Variants in C3orf52 observed in about 807,000 individuals in gnomAD.
C3orf52 encodes the protein TPA-induced transmembrane protein.
A neutral mutation model predicts 24.8 loss-of-function variants in C3orf52; 22 were observed. The ratio of observed to expected loss-of-function variants is 0.89; its 90% CI spans 0.63 to 1.27. The LOEUF (loss-of-function observed/expected upper bound fraction) is 1.27. Among genes scored for constraint, C3orf52 ranks in the 50% most tolerant of loss-of-function variants. The pLI is 0.00. For synonymous variants in C3orf52, 93 were observed against 100.2 expected, an observed-to-expected ratio of 0.93 and a Z score of 0.43; for missense variants, 265 against 260.7, an observed-to-expected ratio of 1.02 and a Z score of -0.11.
chr3:112,132,398 G>A (rs902444126), downstream of C3orf52, among the ~76,000 whole-genome samples: 2 of 152,108 alleles, frequency 1.3e-5, no homozygotes, highest in Non-Finnish European at 2.9e-5. Flanking sequence ...CTTGTCTGTG[G>A]TGGCACTATT....
downstream of C3orf52, among the ~76,000 whole-genome samples, chr3:112,135,920 T>G (rs1476912182): frequency 1.3e-5 from 2 of 152,218 alleles, no homozygotes; most frequent in East Asian, 3.8e-4. Flanking sequence ...TAACCTTTGC[T>G]GTCATTGTTC....
In C3orf52 at chr3:112,128,694, A is replaced by G. The variant is rs534808415; in HGVS notation, c.*508A>G. 20 of 163,174 alleles carry G rather than the reference A, an allele frequency of 1.2e-4. No individual in the cohort carries two copies. In the South Asian group the frequency reaches 3.3e-3, roughly 27 times the overall value. 10.1% of individuals were successfully genotyped at this position (163,174 alleles called of 1,614,324 possible). On this transcript the variant is annotated 3_prime_UTR_variant, in exon 5 of 5. Transcript: ENST00000480282. ...CAGGACAACCCTGGTGCAGGAGGTC[A>G]GCAAATCTACCACCTTGACTCCAAC...
exon 5 of C3orf52, chr3:112,128,287 C>T: frequency 3.0e-6 from 2 of 675,222 alleles, no homozygotes; most frequent in Non-Finnish European, 5.4e-6. Flanking sequence ...CTGCTGTGTT[C>T]CCAGCAAAGG....
In C3orf52 at chr3:112,125,473, C is replaced by G. The variant is rs141076272; in HGVS notation, c.*47-2760C>G. Among the ~76,000 whole-genome samples the G allele has an allele frequency of 2.5e-3, 374 of 152,274 alleles. 2 individuals are homozygous for G. Among genetic ancestry groups the G allele is most frequent in the African/African-American group, 8.6e-3 (359 of 41,546 alleles). ...AGCCTGAGAGGTGAGAGGGGGGAGACACATTTGGTTAGTCTTTGGAAAGGA... is the reference window on the plus strand; with the variant it reads ...AGCCTGAGAGGTGAGAGGGGGGAGAGACATTTGGTTAGTCTTTGGAAAGGA... On this transcript the variant is annotated intron_variant, in intron 4 of 4. Transcript: ENST00000480282.
At chr3:112,131,382 G>T (rs568856772), downstream of C3orf52, among the ~76,000 whole-genome samples, 1 of 152,170 alleles carries the variant, frequency 6.6e-6, no homozygotes, top group South Asian at 2.1e-4. Flanking sequence ...AGACACGGTT[G>T]GGGGGGTATG....
chr3:112,108,264 T>C (rs181387692), intron 3 of C3orf52, among the ~76,000 whole-genome samples: 1 of 152,330 alleles, frequency 6.6e-6, no homozygotes, highest in Admixed American at 6.5e-5. Flanking sequence ...TCAACCTCAC[T>C]AGTAAGCGAG....
chr3:112,099,228 A>G (rs1299820074), intron 2 of C3orf52, among the ~76,000 whole-genome samples: 1 of 152,098 alleles, frequency 6.6e-6, no homozygotes, highest in African/African-American at 2.4e-5. Flanking sequence ...TTCTTCATAA[A>G]TTGCCCAGTC....
In C3orf52 at chr3:112,109,122, C is replaced by T. The variant is rs115833370; in HGVS notation, c.397-421C>T. ...CTTAGCATGGCTGTTTGTCTTTACA[C>T]TGAAGCTCTGGAGAAGGGAGAAAGA... On this transcript the variant is annotated intron_variant, in intron 3 of 5. Coordinates refer to ENST00000264848, the MANE Select transcript of C3orf52 (RefSeq NM_024616.3). 2.3e-3 allele frequency among the ~76,000 whole-genome samples: 349 copies of T among 152,306 alleles called. 2 individuals carry two copies. The highest frequency in any genetic ancestry group is 8.2e-3 in the African/African-American group (340 of 41,560).
chr3:112,125,318 G>A, intron 4 of C3orf52: 2 of 1,122,048 alleles, frequency 1.8e-6, no homozygotes, highest in East Asian at 2.3e-5. Flanking sequence ...GAAGAGCAGG[G>A]GAGGCTAGAA....
At chr3:112,100,266 G>C (rs1011809415) in intron 2 of C3orf52, among the ~76,000 whole-genome samples, 1 of 152,014 alleles carries the variant, frequency 6.6e-6, no homozygotes, top group Admixed American at 6.6e-5. Context: ...GGCGTTTAAG[G>C]GCTCTCTCTC....
intron 5 of C3orf52, among the ~76,000 whole-genome samples, chr3:112,115,763 G>A (rs953229640): frequency 6.6e-6 from 1 of 152,126 alleles, no homozygotes; most frequent in Non-Finnish European, 1.5e-5. Context: ...GTGTGTGTTT[G>A]CTTCTCATTC....
chr3:112,131,871 TA>T (rs1168494939), downstream of C3orf52, among the ~76,000 whole-genome samples: 2 of 152,066 alleles, frequency 1.3e-5, no homozygotes, highest in Non-Finnish European at 2.9e-5. Flanking sequence ...TTAAAATAAA[TA>T]AAAAACCATA....
downstream of C3orf52, among the ~76,000 whole-genome samples, chr3:112,118,801 C>A (rs2074162633): frequency 6.6e-6 from 1 of 152,214 alleles, no homozygotes; most frequent in Admixed American, 6.5e-5. Flanking sequence ...GAGAAGAAAA[C>A]TGCTCTTCTC....
chr3:112,115,634 A>G (rs770919340), intron 5 of C3orf52, among the ~76,000 whole-genome samples: 1 of 152,186 alleles, frequency 6.6e-6, no homozygotes, highest in Non-Finnish European at 1.5e-5. Flanking sequence ...TGTACAGACA[A>G]TTTCAGGGAT....
chr3:112,093,627 G>A (rs1371308039), intron 2 of C3orf52, 138 bp downstream of exon 2: 1 of 792,546 alleles, frequency 1.3e-6, no homozygotes. Context: ...GGAATATATT[G>A]TATGGGTGGG....
At chr3:112,124,159 A>G (rs2074257825) in intron 4 of C3orf52, among the ~76,000 whole-genome samples, 1 of 152,190 alleles carries the variant, frequency 6.6e-6, no homozygotes, top group East Asian at 1.9e-4. Flanking sequence ...CCTCGCAGTT[A>G]TGAGTGTACC....
At chr3:112,112,819 A>T (rs751953996) in intron 4 of C3orf52, 145 bp from the exon 5 acceptor site, 2 of 757,826 alleles carry the variant, frequency 2.6e-6, no homozygotes, top group South Asian at 2.9e-5. Flanking sequence ...ATAGGACAGT[A>T]TGTTCTTCCA....
intron 5 of C3orf52, among the ~76,000 whole-genome samples, chr3:112,114,404 T>TAAAAAAAAA (rs34730547): frequency 8.2e-6 from 1 of 122,258 alleles, no homozygotes; most frequent in Non-Finnish European, 1.8e-5. Flanking sequence ...TTACAGGAAT[T>TAAAAAAAAA]AAAAAAAAAA....
chr3:112,086,663 A>G, intron 1 of C3orf52, 118 bp downstream of exon 1: 1 of 1,304,956 alleles, frequency 7.7e-7, no homozygotes, highest in African/African-American at 1.5e-5. Flanking sequence ...GCGCCGAGCG[A>G]GGGTGGGGCG....
Sources: gnomAD v4.1 joint callset for allele counts (sites outside exome capture counted in the v4.1 genomes callset) on GRCh38, gnomAD v4.1.1 for gene constraint, MANE v1.5 for transcripts, NCBI Gene and HGNC (gene_info 2026-07-23, HGNC 2026-07-21) for gene names.